Variants in QTGAL observed in about 807,000 individuals in gnomAD.
QTGAL encodes BGnT-like protein 1.
chr17:83,048,966 G>C, the QTGAL span: 2 of 602,684 alleles, frequency 3.3e-6, no homozygotes. Context: ...TCCCTGAACT[G>C]CCTTCTACAT....
the QTGAL span, among the ~76,000 whole-genome samples, chr17:83,010,176 C>G: frequency 6.6e-6 from 1 of 152,020 alleles, no homozygotes; most frequent in Non-Finnish European, 1.5e-5. Context: ...CGTTCAACCA[C>G]CAGGCAGGCG....
At chr17:83,048,848 A>T in the QTGAL span, 1 of 1,388,724 alleles carries the variant, frequency 7.2e-7, no homozygotes, top group East Asian at 2.3e-5. Context: ...CCATGGCTCT[A>T]ATTTACCTCC....
chr17:82,957,494 C>T, the QTGAL span: 116 of 1,600,178 alleles, frequency 7.2e-5, no homozygotes, highest in Non-Finnish European at 9.5e-5. Context: ...AGATGGTCGT[C>T]CTGCGGTGGA....
the QTGAL span, among the ~76,000 whole-genome samples, chr17:82,987,547 T>C: frequency 6.6e-6 from 1 of 152,202 alleles, no homozygotes; most frequent in Non-Finnish European, 1.5e-5. Context: ...ACCTAAGTCT[T>C]TGGACAAGAT....
the QTGAL span, among the ~76,000 whole-genome samples, chr17:83,047,387 G>A: frequency 1.3e-5 from 2 of 152,188 alleles, no homozygotes; most frequent in African/African-American, 4.8e-5. Flanking sequence ...GGTGGGCACA[G>A]ACATTCAGAT....
chr17:82,996,738 T>A, the QTGAL span, among the ~76,000 whole-genome samples: 1 of 151,976 alleles, frequency 6.6e-6, no homozygotes, highest in Non-Finnish European at 1.5e-5. Context: ...CATAGATAAA[T>A]CAATATATCT....
At chr17:83,011,165 G>T in the QTGAL span, among the ~76,000 whole-genome samples, 6 of 152,356 alleles carry the variant, frequency 3.9e-5, no homozygotes, top group African/African-American at 1.4e-4. Flanking sequence ...GGTGCACAGT[G>T]TCAGGAATCC....
the QTGAL span, among the ~76,000 whole-genome samples, chr17:83,044,945 C>CAAA: frequency 7.6e-6 from 1 of 131,832 alleles, no homozygotes; most frequent in Non-Finnish European, 1.6e-5. Context: ...GACTCTGTCT[C>CAAA]AAAAAAAAAA....
At chr17:82,958,863 GTGT>G in the QTGAL span, among the ~76,000 whole-genome samples, 1 of 27,140 alleles carries the variant, frequency 3.7e-5, no homozygotes, top group Non-Finnish European at 6.5e-5. Flanking sequence ...GGTGTATGGT[GTGT>G]GTGTGTGTGT....
At chr17:82,952,791 A>G in the QTGAL span, among the ~76,000 whole-genome samples, 1 of 152,242 alleles carries the variant, frequency 6.6e-6, no homozygotes, top group Admixed American at 6.5e-5. Context: ...AATTAACCAC[A>G]TAATTGGAAG....
chr17:83,022,115 T>G, the QTGAL span, among the ~76,000 whole-genome samples: 3 of 152,204 alleles, frequency 2.0e-5, no homozygotes, highest in Non-Finnish European at 4.4e-5. Flanking sequence ...AAGAAAACTT[T>G]GGGGCAGACA....
chr17:82,961,401 G>C, the QTGAL span: 1 of 541,128 alleles, frequency 1.8e-6, no homozygotes, highest in Non-Finnish European at 3.3e-6. Flanking sequence ...GGGAAGGGAG[G>C]GTGGGCTGGG....
At chr17:83,015,165 G>A in the QTGAL span, among the ~76,000 whole-genome samples, 69 of 149,856 alleles carry the variant, frequency 4.6e-4, no homozygotes, top group African/African-American at 1.7e-3. The surrounding 1 kb of genome is among the most constrained non-coding windows in gnomAD (Gnocchi z 4.4). Context: ...GGGACCGTCT[G>A]CGGTGAGGAC....
chr17:82,979,649 T>C, the QTGAL span, among the ~76,000 whole-genome samples: 2 of 152,190 alleles, frequency 1.3e-5, no homozygotes, highest in South Asian at 2.1e-4. Flanking sequence ...AAATAGTGAA[T>C]TGGAAAACTC....
At chr17:82,977,301 G>A in the QTGAL span, among the ~76,000 whole-genome samples, 2 of 152,152 alleles carry the variant, frequency 1.3e-5, no homozygotes, top group African/African-American at 2.4e-5. Flanking sequence ...GTTTGCATCC[G>A]TGACTTTAAA....
the QTGAL span, chr17:82,965,598 A>C: frequency 7.4e-6 from 11 of 1,494,920 alleles, no homozygotes; most frequent in African/African-American, 1.4e-4. Context: ...CCACACACAG[A>C]GACAGGGCCC....
chr17:83,006,587 G>A, the QTGAL span: 1 of 985,440 alleles, frequency 1.0e-6, no homozygotes, highest in African/African-American at 1.7e-5. This position sits in a 1 kb window ranked among gnomAD's most constrained non-coding sequence, Gnocchi z 5.8. Flanking sequence ...TACAGCCACT[G>A]GCAGCCCCTC....
chr17:83,030,418 T>C, the QTGAL span, among the ~76,000 whole-genome samples: 3 of 152,166 alleles, frequency 2.0e-5, no homozygotes, highest in African/African-American at 7.2e-5. Context: ...AAAGGGCAGC[T>C]GTAGAGGTGG....
At chr17:83,040,185 A>G in the QTGAL span, among the ~76,000 whole-genome samples, 1 of 152,264 alleles carries the variant, frequency 6.6e-6, no homozygotes, top group African/African-American at 2.4e-5. Context: ...TTACATGAGA[A>G]TATCTTAGGG....
Sources: allele counts gnomAD v4.1 joint callset (sites outside exome capture counted in the v4.1 genomes callset), GRCh38; gene constraint gnomAD v4.1.1; non-coding constraint Gnocchi (gnomAD v3.1); transcripts MANE v1.5; gene names NCBI Gene and HGNC (gene_info 2026-07-23, HGNC 2026-07-21).